Variants in DDX60L observed in about 807,000 individuals in gnomAD.
DDX60L encodes the protein probable ATP-dependent RNA helicase DDX60-like.
A neutral mutation model predicts 211.6 loss-of-function variants in DDX60L; 191 were observed. That is an observed-to-expected ratio of 0.90 (90% confidence interval 0.80 to 1.02). The LOEUF (loss-of-function observed/expected upper bound fraction) is 1.02. Among genes scored for constraint, DDX60L ranks in the 50% least tolerant of loss-of-function variants. The pLI, the probability that DDX60L is intolerant of heterozygous loss-of-function variation, is 0.00. For missense variants in DDX60L, 2,007 were observed against 1,984.1 expected, an observed-to-expected ratio of 1.01 and a Z score of -0.22; for synonymous variants, 706 against 694.1, an observed-to-expected ratio of 1.02 and a Z score of -0.27.
chr4:168,397,689 T>C (rs2149757177), intron 26 of DDX60L, among the ~76,000 whole-genome samples: 1 of 152,268 alleles, frequency 6.6e-6, no homozygotes, highest in South Asian at 2.1e-4. Flanking sequence ...TGTACGACAA[T>C]CTAACTAAAT....
At chr4:168,425,422 C>T (rs996148923) in intron 14 of DDX60L, among the ~76,000 whole-genome samples, 1 of 152,172 alleles carries the variant, frequency 6.6e-6, no homozygotes, top group Non-Finnish European at 1.5e-5. Flanking sequence ...ACAGGGTGAT[C>T]AACCACAACT....
In DDX60L at chr4:168,384,378, T is replaced by C. The variant is rs1284672186; in HGVS notation, c.4116+234A>G. Reference sequence around the variant, plus strand: ...GGTGTACACCTGTAGTCCCAGCTACTTGGGATGCTGAGATGGGAAGATCAC... The same window carrying C: ...GGTGTACACCTGTAGTCCCAGCTACCTGGGATGCTGAGATGGGAAGATCAC... On this transcript the variant is annotated intron_variant, in intron 30 of 37. Coordinates refer to ENST00000682922, the MANE Select transcript of DDX60L (RefSeq NM_001012967.3). Among the ~76,000 whole-genome samples the C allele has an allele frequency of 6.6e-6, 1 of 152,082 alleles. No homozygotes were observed. Among genetic ancestry groups the C allele is most frequent in the African/African-American group, 2.4e-5 (1 of 41,410 alleles).
At chr4:168,397,738 A>T (rs897665176) in intron 26 of DDX60L, among the ~76,000 whole-genome samples, 11 of 152,226 alleles carry the variant, frequency 7.2e-5, no homozygotes, top group African/African-American at 2.4e-4. Context: ...GCTAATCTGG[A>T]GCGGCCGCTG....
At chr4:168,381,599 T>C (rs1123538) in intron 30 of DDX60L, among the ~76,000 whole-genome samples, 49,598 of 149,282 alleles carry the variant, frequency 0.33, 10,076 homozygotes, top group East Asian at 0.59. Flanking sequence ...AAAAAAAAAC[T>C]ATAACTAGAA....
intron 26 of DDX60L, among the ~76,000 whole-genome samples, chr4:168,398,521 G>A (rs1169311950): frequency 1.3e-5 from 2 of 152,226 alleles, no homozygotes; most frequent in Admixed American, 6.5e-5. Context: ...GGAGCAGAAA[G>A]GAGTGGGTCC....
At chr4:168,431,596 A>T (rs1013276403) in intron 12 of DDX60L, among the ~76,000 whole-genome samples, 1 of 151,368 alleles carries the variant, frequency 6.6e-6, no homozygotes, top group African/African-American at 2.4e-5. Flanking sequence ...AGATATACCT[A>T]ATGCTAAATG....
rs1751017704 is a variant in DDX60L, at chr4:168,423,722, A to T, written c.1983T>A (p.His661Gln). 1 of 1,605,796 alleles carries T rather than the reference A, an allele frequency of 6.2e-7. No homozygotes were observed. Among genetic ancestry groups the T allele is most frequent in the African/African-American group, 1.3e-5 (1 of 74,652 alleles). ...SIAVQMMKRIHSLLERYPEIL... is the reference protein window; with the variant it reads ...SIAVQMMKRIQSLLERYPEIL... The stretch of plus-strand genomic sequence containing the variant: ...TTTCTGGGTATCTCTCCAGGAGTGA[A>T]TGAATCCTTTTCATCATTTGAACAG... Residue 661 changes from histidine to glutamine, a missense_variant, in exon 15 of 38, where the codon CAT (histidine) becomes CAA (glutamine). Physicochemically the swap from His to Gln is conservative, Grantham distance 24 (BLOSUM62 0). Coordinates refer to ENST00000682922, the MANE Select transcript of DDX60L (RefSeq NM_001012967.3).
At position 168,419,329 on chromosome 4, in the gene DDX60L, T is replaced by C; in HGVS notation, c.2583A>G (p.Glu861=). The part of the protein sequence containing the change: ...LLAPHRQKWV[E]RIRYVIFDEV... ...CATCAAATATAACATATCTGATCCT[T>C]TCCACCCATTTTTGGCGATGAGGAG... Residue 861 remains glutamate, a synonymous_variant, in exon 19 of 38, where the codon GAA becomes GAG. Transcript: ENST00000682922. 1.3e-6 allele frequency: 2 copies of C among 1,598,940 alleles called. No individual in the cohort carries two copies. The highest frequency in any genetic ancestry group is 1.7e-6 in the Non-Finnish European group (2 of 1,171,512).
chr4:168,452,565 A>T (rs1282574702), intron 8 of DDX60L, among the ~76,000 whole-genome samples: 1 of 152,162 alleles, frequency 6.6e-6, no homozygotes, highest in Non-Finnish European at 1.5e-5. Flanking sequence ...TACTCACAAA[A>T]ATTAAAAATT....
intron 8 of DDX60L, among the ~76,000 whole-genome samples, chr4:168,449,317 G>C (rs1380583950): frequency 1.3e-5 from 2 of 151,122 alleles, no homozygotes; most frequent in East Asian, 1.9e-4. Context: ...CCTTTGTAGG[G>C]ACATGGATGA....
Position 168,371,780 on chromosome 4 carries a change from T to G in DDX60L, c.4777-17A>C. On this transcript the variant is annotated splice_polypyrimidine_tract_variant and intron_variant, in intron 35 of 37. Coordinates refer to ENST00000682922, the MANE Select transcript of DDX60L (RefSeq NM_001012967.3). Reference sequence around the variant, plus strand: ...CAGGATGACCTGAAGAAAGACATTTTCTATTACTTCATTACTGATATGTAA... The same window carrying G: ...CAGGATGACCTGAAGAAAGACATTTGCTATTACTTCATTACTGATATGTAA... 1 of 1,588,022 alleles carries G rather than the reference T, an allele frequency of 6.3e-7. No individual in the cohort carries two copies. The highest frequency in any genetic ancestry group is 8.6e-7 in the Non-Finnish European group (1 of 1,162,330).
intron 13 of DDX60L, among the ~76,000 whole-genome samples, chr4:168,429,310 A>T (rs893446822): frequency 4.6e-5 from 7 of 151,872 alleles, no homozygotes; most frequent in African/African-American, 1.7e-4. Context: ...ATTCCTAGCT[A>T]TTTTTTTATA....
chr4:168,440,877 A>G (rs1473554571), intron 10 of DDX60L, among the ~76,000 whole-genome samples: 1 of 152,210 alleles, frequency 6.6e-6, no homozygotes, highest in Non-Finnish European at 1.5e-5. Flanking sequence ...ACTTTTAAGC[A>G]TAATGGTAAA....
At chr4:168,398,009 C>T (rs771173540) in intron 26 of DDX60L, among the ~76,000 whole-genome samples, 3 of 152,158 alleles carry the variant, frequency 2.0e-5, no homozygotes, top group East Asian at 1.9e-4. Context: ...GCTGCAGACC[C>T]GGGCCTCCCC....
intron 20 of DDX60L, among the ~76,000 whole-genome samples, 198 bp from the exon 21 acceptor site, chr4:168,415,997 T>C (rs763356503): frequency 5.3e-5 from 8 of 152,202 alleles, no homozygotes; most frequent in Non-Finnish European, 1.0e-4. Flanking sequence ...TTCTCCATCA[T>C]AACATAGAAG....
chr4:168,395,238 A>G (rs1745563164), intron 27 of DDX60L, among the ~76,000 whole-genome samples: 1 of 152,224 alleles, frequency 6.6e-6, no homozygotes, highest in Admixed American at 6.5e-5. Flanking sequence ...CCACATAAAT[A>G]TATACTATGA....
chr4:168,460,555 T>C (rs928014021), intron 5 of DDX60L, among the ~76,000 whole-genome samples: 3 of 152,142 alleles, frequency 2.0e-5, no homozygotes, highest in African/African-American at 7.2e-5. Flanking sequence ...GACATACTCC[T>C]TTGGGGAAAT....
chr4:168,474,766 C>T (rs1270477534), intron 1 of DDX60L, among the ~76,000 whole-genome samples: 1 of 152,000 alleles, frequency 6.6e-6, no homozygotes, highest in Non-Finnish European at 1.5e-5. Context: ...CTTATATAAT[C>T]CATTAAAAGG....
At position 168,375,462 on chromosome 4, in the gene DDX60L, T is replaced by C. The variant is rs1741788419; in HGVS notation, c.4548A>G (p.Val1516=). The C allele has an allele frequency of 1.2e-6, 2 of 1,613,064 alleles. No individual in the cohort carries two copies. The highest frequency in any genetic ancestry group is 1.3e-5 in the African/African-American group (1 of 75,014). Residue 1516 remains valine (V), a synonymous_variant, in exon 34 of 38, where the codon GTA becomes GTG. Coordinates refer to ENST00000682922, the MANE Select transcript of DDX60L (RefSeq NM_001012967.3). ...GCAGGAAGGAGGCAAAATCCTTCAT[T>C]ACTGCCAGGTTATACTCATATAAAG... ...KAALYEYNLA[V]MKDFASFLLI...
Sources: allele counts gnomAD v4.1 joint callset (sites outside exome capture counted in the v4.1 genomes callset), GRCh38; gene constraint gnomAD v4.1.1; transcripts MANE v1.5; gene names NCBI Gene and HGNC (gene_info 2026-07-23, HGNC 2026-07-21).